VRK3: variants seen among roughly 807,000 people sequenced by gnomAD.
The protein encoded by VRK3 is serine/threonine-protein kinase VRK3.
In VRK3, 50 loss-of-function variants were observed where a neutral mutation model predicts 60.4. The ratio of observed to expected loss-of-function variants is 0.83; its 90% CI spans 0.66 to 1.05. VRK3 has a LOEUF of 1.05. VRK3 is among the 50% of genes least tolerant of loss of function. The pLI is 0.00. For missense variants in VRK3, 549 were observed against 585.3 expected, an observed-to-expected ratio of 0.94 and a Z score of 0.64; for synonymous variants, 246 against 227.8, an observed-to-expected ratio of 1.08 and a Z score of -0.72.
chr19:50,015,894 C>T (rs1439383133), intron 3 of VRK3, 130 bp downstream of exon 3: 1 of 1,301,570 alleles, frequency 7.7e-7, no homozygotes, highest in African/African-American at 1.5e-5. Context: ...GGGGTCCAGT[C>T]CTGAGGCCTG....
At chr19:49,980,589 C>T (rs1378840272) in intron 13 of VRK3, among the ~76,000 whole-genome samples, 4 of 151,846 alleles carry the variant, frequency 2.6e-5, no homozygotes, top group Non-Finnish European at 5.9e-5. Context: ...TGGTGACGCA[C>T]GCCTATAACC....
chr19:49,998,422 G>A (rs913016264), intron 6 of VRK3: 5 of 151,822 alleles, frequency 3.3e-5, no homozygotes, highest in African/African-American at 4.8e-5. Flanking sequence ...GGGAGGCGGA[G>A]GTTGCAGTGA....
chr19:50,014,431 C>T (rs1046635693), intron 3 of VRK3, among the ~76,000 whole-genome samples: 9 of 151,850 alleles, frequency 5.9e-5, no homozygotes, highest in African/African-American at 1.5e-4. Context: ...TGGTGGCAGG[C>T]GCCTGTAATC....
In VRK3 at chr19:50,007,801, G is replaced by C. The variant is rs1477115270; in HGVS notation, c.315C>G (p.Pro105=). The part of the protein sequence containing the change: ...SKGSGSRPPT[P]KSSPQKTRKS... ...TCCTGGTCTTCTGAGGGCTGCTTTT[G>C]GGGGTTGGGGGTCTGCTCCCGGAGC... Residue 105 remains proline, a synonymous_variant, in exon 5 of 15, where the codon CCC becomes CCG. Coordinates refer to ENST00000316763, the MANE Select transcript of VRK3 (RefSeq NM_016440.4). 1.2e-6 allele frequency: 2 copies of C among 1,614,124 alleles called. No individual in the cohort carries two copies. The highest frequency in any genetic ancestry group is 2.7e-5 in the African/African-American group (2 of 74,936).
intron 1 of VRK3, among the ~76,000 whole-genome samples, chr19:50,022,205 C>T (rs143501330): frequency 1.4e-4 from 21 of 152,310 alleles, no homozygotes; most frequent in East Asian, 3.9e-4. Flanking sequence ...AACGCAAAAC[C>T]GGACTGGGTT....
intron 12 of VRK3, chr19:49,986,356 A>G (rs975487019): frequency 9.8e-5 from 15 of 153,186 alleles, no homozygotes; most frequent in African/African-American, 3.4e-4. Context: ...ATATAGTTTA[A>G]GGACACAGAC....
intron 11 of VRK3, among the ~76,000 whole-genome samples, chr19:49,989,103 T>C (rs2076566810): frequency 6.6e-6 from 1 of 152,110 alleles, no homozygotes; most frequent in Non-Finnish European, 1.5e-5. Flanking sequence ...ATCCCTGTAC[T>C]GGGGGAGCTC....
intron 12 of VRK3, among the ~76,000 whole-genome samples, chr19:49,983,796 G>A (rs182023675): frequency 2.0e-5 from 3 of 152,334 alleles, no homozygotes; most frequent in Admixed American, 1.3e-4. Context: ...GCCAGGAAAC[G>A]AGCATGTAGC....
At chr19:49,992,835 A>G (rs1429135594) in intron 10 of VRK3, 25 bp downstream of exon 10, 1 of 1,608,656 alleles carries the variant, frequency 6.2e-7, no homozygotes, top group Non-Finnish European at 8.5e-7. Context: ...GAGATCTTCC[A>G]GAGTGGGCAG....
chr19:50,001,664 C>A (rs1568796881), intron 5 of VRK3, among the ~76,000 whole-genome samples: 1 of 152,192 alleles, frequency 6.6e-6, no homozygotes. Flanking sequence ...CATTTACAGA[C>A]CTCACCACGT....
At chr19:49,980,649 G>C (rs559533067) in intron 13 of VRK3, among the ~76,000 whole-genome samples, 3 of 151,900 alleles carry the variant, frequency 2.0e-5, no homozygotes, top group Non-Finnish European at 4.4e-5. Context: ...CCTGGGAGGC[G>C]GAGACTGCAG....
chr19:49,978,928 G>T, intron 14 of VRK3, 155 bp downstream of exon 14: 1 of 724,972 alleles, frequency 1.4e-6, no homozygotes, highest in Non-Finnish European at 2.1e-6. Context: ...AGGCTGGGAA[G>T]TTCAAGGACC....
At chr19:49,989,593 T>A (rs377400400) in intron 11 of VRK3, 46 bp downstream of exon 11, 1 of 1,568,338 alleles carries the variant, frequency 6.4e-7, no homozygotes, top group Non-Finnish European at 8.7e-7. Flanking sequence ...TGCCCTTGTA[T>A]AAGAAGCATC....
chr19:50,004,684 G>A (rs1346859686), intron 5 of VRK3, among the ~76,000 whole-genome samples: 1 of 152,084 alleles, frequency 6.6e-6, no homozygotes, highest in African/African-American at 2.4e-5. Flanking sequence ...GAGGCGGGAG[G>A]ATCGCTTGAG....
chr19:49,982,113 A>C, intron 12 of VRK3: 2 of 702,950 alleles, frequency 2.8e-6, no homozygotes, highest in Non-Finnish European at 5.2e-6. Context: ...GGAAAACTGC[A>C]AACTGCTGAC....
chr19:49,991,917 G>A (rs971537134), intron 10 of VRK3, among the ~76,000 whole-genome samples: 3 of 152,190 alleles, frequency 2.0e-5, no homozygotes, highest in Non-Finnish European at 2.9e-5. Context: ...GTAAAGTTGG[G>A]TTTCTGTCAT....
intron 6 of VRK3, 27 bp downstream of exon 6, chr19:50,000,763 C>T: frequency 6.2e-7 from 1 of 1,600,504 alleles, no homozygotes; most frequent in Non-Finnish European, 8.5e-7. Context: ...CCCCTCCAAG[C>T]TGCCCCCCAC....
intron 12 of VRK3, among the ~76,000 whole-genome samples, chr19:49,984,143 G>T (rs939683124): frequency 6.6e-6 from 1 of 152,178 alleles, no homozygotes; most frequent in Non-Finnish European, 1.5e-5. Flanking sequence ...GCTCTTAGGA[G>T]TTAGGAAGTG....
At chr19:50,003,736 G>A (rs2076848177) in intron 5 of VRK3, among the ~76,000 whole-genome samples, 1 of 152,216 alleles carries the variant, frequency 6.6e-6, no homozygotes, top group East Asian at 1.9e-4. Context: ...CTTCTTGACT[G>A]GTGCAAACTG....
Sources: allele counts gnomAD v4.1 joint callset (sites outside exome capture counted in the v4.1 genomes callset), GRCh38; gene constraint gnomAD v4.1.1; transcripts MANE v1.5; gene names NCBI Gene and HGNC (gene_info 2026-07-23, HGNC 2026-07-21).